Variants in FCHSD2 observed in about 807,000 individuals in gnomAD.
The protein encoded by FCHSD2 is F-BAR and double SH3 domains protein 2.
In FCHSD2, 38 loss-of-function variants were observed where a neutral mutation model predicts 108.1. That is an observed-to-expected ratio of 0.35 (90% CI 0.27 to 0.46). FCHSD2 has a LOEUF of 0.46. Ranked by LOEUF, FCHSD2 falls within the 20% of genes least tolerant of loss-of-function variation. The probability of loss-of-function intolerance (pLI) is 1.00; values close to 1 mark genes in which losing one functional copy is unlikely to be tolerated. For synonymous variants in FCHSD2, 279 were observed against 314.7 expected (o/e 0.89, Z 1.20); for missense variants, 751 against 897.8 (o/e 0.84, Z 2.09).
At chr11:73,138,872 T>A (rs531254495) in intron 2 of FCHSD2, among the ~76,000 whole-genome samples, 2 of 152,328 alleles carry the variant, frequency 1.3e-5, no homozygotes, top group Admixed American at 6.5e-5. Context: ...CCTGCCAAAG[T>A]GCTGGGATTA....
chr11:72,957,303 G>A (rs1007137785), intron 8 of FCHSD2, among the ~76,000 whole-genome samples: 3 of 149,108 alleles, frequency 2.0e-5, no homozygotes, highest in Non-Finnish European at 4.4e-5. Flanking sequence ...TTGTTCTTGC[G>A]ATAGTTTACT....
rs572275441 is a variant in FCHSD2 at position 72,886,817 on chromosome 11, A to G, written c.1146+653T>C. On this transcript the variant is annotated intron_variant, in intron 12 of 19. Transcript: ENST00000409418. ...TTGTTTCCTATCCCAACCTCTCCCT[A>G]TCTAGAGCAGGGAGTATTAGCCTCA... is the stretch of plus-strand genomic sequence containing the variant. 2.6e-5 allele frequency among the ~76,000 whole-genome samples: 4 copies of G among 152,200 alleles called. No individual in the cohort carries two copies. The South Asian group carries it at 8.3e-4, about 32-fold the overall frequency.
chr11:73,060,991 A>C (rs962599046), intron 3 of FCHSD2, among the ~76,000 whole-genome samples: 25 of 152,252 alleles, frequency 1.6e-4, no homozygotes, highest in African/African-American at 6.0e-4. Context: ...GATAAATAGA[A>C]GCAAAAGAAA....
At chr11:73,008,630 T>G (rs1025909423) in intron 4 of FCHSD2, among the ~76,000 whole-genome samples, 2 of 152,162 alleles carry the variant, frequency 1.3e-5, no homozygotes, top group African/African-American at 4.8e-5. Flanking sequence ...GATAATTTGG[T>G]GCCAGGTTTC....
chr11:72,937,664 C>T (rs141722119), intron 8 of FCHSD2, among the ~76,000 whole-genome samples: 1 of 152,290 alleles, frequency 6.6e-6, no homozygotes, highest in African/African-American at 2.4e-5. Flanking sequence ...TTAGAACCTA[C>T]TCTGTGCCAA....
chr11:72,907,598 G>GTTTTTTTTTTTTTTTTTT (rs200788964), intron 9 of FCHSD2, among the ~76,000 whole-genome samples: 2 of 72,714 alleles, frequency 2.8e-5, no homozygotes, highest in Non-Finnish European at 2.4e-5. Flanking sequence ...TAATCACGTG[G>GTTTTTTTTTTTTTTTTTT]GTTTTTTTTT....
intron 13 of FCHSD2, among the ~76,000 whole-genome samples, chr11:72,856,415 C>T (rs547662138): frequency 6.6e-6 from 1 of 152,310 alleles, no homozygotes; most frequent in South Asian, 2.1e-4. Flanking sequence ...CTCTTAACCA[C>T]TGTTTGCCTA....
chr11:72,946,246 A>G lies in FCHSD2; in HGVS notation c.706-24296T>C, dbSNP rs553709622. On this transcript the variant is annotated intron_variant, in intron 8 of 19. Transcript: ENST00000409418. ...AAATGATGAGTTCATGTCCTTTGTAAGGACATGGATGAAGCTGGAAACCAT... is the reference window on the plus strand; with the variant it reads ...AAATGATGAGTTCATGTCCTTTGTAGGGACATGGATGAAGCTGGAAACCAT... Among the ~76,000 whole-genome samples the G allele has an allele frequency of 3.0e-4, 46 of 152,100 alleles. No homozygotes were observed. In the East Asian group the frequency reaches 6.0e-3, roughly 20 times the overall value.
intron 2 of FCHSD2, among the ~76,000 whole-genome samples, chr11:73,136,365 G>A (rs1861120251): frequency 6.6e-6 from 1 of 151,920 alleles, no homozygotes; most frequent in African/African-American, 2.4e-5. Context: ...TTCAAGACCA[G>A]CCTGAGTAAC....
At chr11:73,122,548 G>A (rs1032312078) in intron 2 of FCHSD2, among the ~76,000 whole-genome samples, 3 of 152,186 alleles carry the variant, frequency 2.0e-5, no homozygotes, top group Non-Finnish European at 4.4e-5. Context: ...GAGATGCATG[G>A]CTAAGGAATA....
At chr11:72,931,941 C>CT (rs1448406739) in intron 8 of FCHSD2, among the ~76,000 whole-genome samples, 1 of 152,178 alleles carries the variant, frequency 6.6e-6, no homozygotes, top group African/African-American at 2.4e-5. Flanking sequence ...TTTTATCAGA[C>CT]TGACTTATAT....
At chr11:72,972,753 C>A (rs759907160) in intron 8 of FCHSD2, among the ~76,000 whole-genome samples, 1 of 149,466 alleles carries the variant, frequency 6.7e-6, no homozygotes. Context: ...CCCTTGTGGG[C>A]GGCACCAGAG....
At chr11:72,980,693 AT>A (rs1256868612) in intron 8 of FCHSD2, among the ~76,000 whole-genome samples, 6 of 148,958 alleles carry the variant, frequency 4.0e-5, no homozygotes, top group South Asian at 2.1e-4. Context: ...ATATATATAT[AT>A]ATAATGTATG....
chr11:72,848,544 C>T (rs1302171244), intron 14 of FCHSD2, among the ~76,000 whole-genome samples: 1 of 152,150 alleles, frequency 6.6e-6, no homozygotes, highest in Non-Finnish European at 1.5e-5. Context: ...TAATATTTAA[C>T]CCTTCATAGA....
chr11:72,915,121 T>C (rs1433861976), intron 9 of FCHSD2, among the ~76,000 whole-genome samples: 3 of 151,552 alleles, frequency 2.0e-5, no homozygotes, highest in African/African-American at 7.3e-5. Context: ...AAGACATACA[T>C]GTGGCCAGCA....
At chr11:72,951,927 G>GT (rs1353824302) in intron 8 of FCHSD2, among the ~76,000 whole-genome samples, 9 of 152,262 alleles carry the variant, frequency 5.9e-5, no homozygotes, top group African/African-American at 2.2e-4. Flanking sequence ...CAAGAATACT[G>GT]TAACAGCTAT....
intron 3 of FCHSD2, among the ~76,000 whole-genome samples, chr11:73,078,660 C>A (rs1859611045): frequency 6.6e-6 from 1 of 151,522 alleles, no homozygotes; most frequent in South Asian, 2.1e-4. Context: ...GTACTGGTTG[C>A]CATTGAAAGG....
At chr11:72,896,764 T>TAAAAAA (rs58159831) in intron 10 of FCHSD2, among the ~76,000 whole-genome samples, 19 of 68,404 alleles carry the variant, frequency 2.8e-4, no homozygotes, top group Admixed American at 9.2e-4. Context: ...GGGAAAATAC[T>TAAAAAA]AAAAAAAAAA....
chr11:72,843,080 A>G (rs1861012958), intron 16 of FCHSD2, 71 bp downstream of exon 16: 2 of 1,449,596 alleles, frequency 1.4e-6, no homozygotes, highest in Non-Finnish European at 1.9e-6. Context: ...ATCCTACTGA[A>G]GGCTTACTCC....
Sources: gnomAD v4.1 joint callset for allele counts (sites outside exome capture counted in the v4.1 genomes callset) on GRCh38, gnomAD v4.1.1 for gene constraint, MANE v1.5 for transcripts, NCBI Gene and HGNC (gene_info 2026-07-23, HGNC 2026-07-21) for gene names.